The following ANK1 variants were observed in gnomAD, a reference collection of about 807,000 sequenced individuals.
ANK1 encodes ankyrin-1.
ANK1 carries 51 observed loss-of-function variants against 210.4 expected under a neutral mutation model. That is an observed-to-expected ratio of 0.24 (90% CI 0.19 to 0.31). The LOEUF (loss-of-function observed/expected upper bound fraction) is 0.31, where lower values mean the gene tolerates loss of function less well. Ranked by LOEUF, ANK1 falls within the 10% of genes least tolerant of loss-of-function variation. ANK1 has a pLI of 1.00. For synonymous variants in ANK1, 967 were observed against 1,025.9 expected (o/e 0.94, Z 1.10); for missense variants, 2,051 against 2,504.4 (o/e 0.82, Z 3.86).
intron 1 of ANK1, among the ~76,000 whole-genome samples, chr8:41,842,412 G>C (rs1286122672): frequency 6.6e-6 from 1 of 151,966 alleles, no homozygotes. Context: ...AGAATCACTT[G>C]AACCCAGGAG....
At chr8:41,894,197 A>G (rs1285929589) in intron 1 of ANK1, among the ~76,000 whole-genome samples, 3 of 152,146 alleles carry the variant, frequency 2.0e-5, no homozygotes, top group Non-Finnish European at 4.4e-5. Flanking sequence ...AGTATGCGTC[A>G]CTGCTATCAC....
chr8:41,840,755 G>A (rs1256457331), intron 1 of ANK1, among the ~76,000 whole-genome samples: 2 of 152,212 alleles, frequency 1.3e-5, no homozygotes, highest in Non-Finnish European at 2.9e-5. Context: ...TGTATGGATT[G>A]GGAGCAGGGA....
intron 37 of ANK1, among the ~76,000 whole-genome samples, chr8:41,677,737 G>A (rs1047994798): frequency 2.6e-5 from 4 of 151,594 alleles, no homozygotes; most frequent in African/African-American, 7.3e-5. Flanking sequence ...GTACAGGCAC[G>A]CACCACCATA....
At chr8:41,708,332 T>A (rs1825244454) in intron 17 of ANK1, among the ~76,000 whole-genome samples, 1 of 152,192 alleles carries the variant, frequency 6.6e-6, no homozygotes, top group Non-Finnish European at 1.5e-5. Context: ...GAAGGCTTTA[T>A]CCTCACACAC....
chr8:41,862,287 T>C (rs1482367567), intron 1 of ANK1, among the ~76,000 whole-genome samples: 2 of 152,180 alleles, frequency 1.3e-5, no homozygotes, highest in Non-Finnish European at 2.9e-5. Flanking sequence ...TTTAGTTTCC[T>C]TATCTACAAA....
intron 1 of ANK1, among the ~76,000 whole-genome samples, chr8:41,804,327 A>G (rs1164446309): frequency 6.6e-6 from 1 of 152,218 alleles, no homozygotes; most frequent in Non-Finnish European, 1.5e-5. Context: ...CGAGGCTGTC[A>G]TGGCCTAGTC....
intron 1 of ANK1, among the ~76,000 whole-genome samples, chr8:41,881,826 C>T (rs1030938416): frequency 9.8e-5 from 15 of 152,288 alleles, no homozygotes; most frequent in East Asian, 3.9e-4. Flanking sequence ...TCCCACGCAC[C>T]TGCCTGGCTT....
intron 1 of ANK1, among the ~76,000 whole-genome samples, chr8:41,790,816 A>C (rs1045873401): frequency 1.3e-5 from 2 of 152,344 alleles, no homozygotes; most frequent in Non-Finnish European, 1.5e-5. Context: ...CTACGAAGAC[A>C]TTCTGGCATC....
At chr8:41,896,499 C>G (rs751611211) in exon 1 of ANK1, 8 of 1,583,550 alleles carry the variant, frequency 5.1e-6, no homozygotes, top group Non-Finnish European at 6.0e-6. Flanking sequence ...ACGGCGCTCC[C>G]GTCCCCGCCT....
At chr8:41,820,783 G>C (rs1804134445) in intron 1 of ANK1, among the ~76,000 whole-genome samples, 1 of 152,170 alleles carries the variant, frequency 6.6e-6, no homozygotes, top group African/African-American at 2.4e-5. Flanking sequence ...GTACACACGA[G>C]AGTCCCACAA....
chr8:41,818,295 T>C (rs1387774138), intron 1 of ANK1, among the ~76,000 whole-genome samples: 1 of 152,210 alleles, frequency 6.6e-6, no homozygotes, highest in Non-Finnish European at 1.5e-5. Flanking sequence ...TCCAGAGTTC[T>C]TCCAGAGGGT....
chr8:41,779,561 T>G (rs1157679085), intron 1 of ANK1, among the ~76,000 whole-genome samples: 2 of 152,052 alleles, frequency 1.3e-5, no homozygotes, highest in Non-Finnish European at 2.9e-5. Context: ...GCCTCTAGTT[T>G]GATGCCCATG....
chr8:41,709,771 C>CA (rs1016477249), intron 16 of ANK1, among the ~76,000 whole-genome samples: 4 of 151,944 alleles, frequency 2.6e-5, no homozygotes, highest in Admixed American at 1.3e-4. Context: ...CCTATCTCTA[C>CA]AAAAAAAGTG....
intron 1 of ANK1, among the ~76,000 whole-genome samples, chr8:41,783,646 G>A (rs1417067936): frequency 6.6e-6 from 1 of 152,112 alleles, no homozygotes. Context: ...CCCAAAATGT[G>A]TTCCCAGGAA....
rs199735000 is a variant in ANK1, at chr8:41,826,671, C to T, written c.127-68534G>A. 2.0e-5 allele frequency among the ~76,000 whole-genome samples: 3 copies of T among 152,326 alleles called. No homozygotes were observed. In the East Asian group the frequency reaches 5.8e-4, roughly 29 times the overall value. ...GAGGAAACTAAAAATCACCCATAATCTATCACATCCTAAACATGATTTACA... is the reference window on the plus strand; with the variant it reads ...GAGGAAACTAAAAATCACCCATAATTTATCACATCCTAAACATGATTTACA... On this transcript the variant is annotated intron_variant, in intron 1 of 42. Coordinates refer to the ANK1 transcript ENST00000265709.
intron 17 of ANK1, 86 bp from the exon 18 acceptor site, chr8:41,706,327 G>T: frequency 1.6e-6 from 2 of 1,270,306 alleles, no homozygotes; most frequent in Non-Finnish European, 1.1e-6. Context: ...GGGAGCTGAA[G>T]CTAACTTTGC....
chr8:41,888,438 C>A (rs1818832733), intron 1 of ANK1, among the ~76,000 whole-genome samples: 2 of 152,252 alleles, frequency 1.3e-5, no homozygotes, highest in South Asian at 4.1e-4. Context: ...GATGCAAGAG[C>A]CAGGAGAGAG....
chr8:41,811,157 A>G (rs1180587708), intron 1 of ANK1, among the ~76,000 whole-genome samples: 1 of 152,174 alleles, frequency 6.6e-6, no homozygotes, highest in East Asian at 1.9e-4. Context: ...TCATTGTTTA[A>G]CTCTGCCTAT....
chr8:41,689,691 G>A (rs955003564), intron 33 of ANK1, among the ~76,000 whole-genome samples: 4 of 152,152 alleles, frequency 2.6e-5, no homozygotes. Flanking sequence ...AACATACGTG[G>A]CCAAGACTCC....
Sources: gnomAD v4.1 joint callset for allele counts (sites outside exome capture counted in the v4.1 genomes callset) on GRCh38, gnomAD v4.1.1 for gene constraint, MANE v1.5 for transcripts, NCBI Gene and HGNC (gene_info 2026-07-23, HGNC 2026-07-21) for gene names.